Variants in MARCHF8 observed in about 807,000 individuals in gnomAD.
MARCHF8 encodes E3 ubiquitin-protein ligase MARCHF8.
In MARCHF8, 40 loss-of-function variants were observed where a neutral mutation model predicts 51.6. The ratio of observed to expected loss-of-function variants is 0.77; its 90% CI spans 0.60 to 1.01. The LOEUF is 1.01. Ranked by LOEUF, MARCHF8 falls within the 50% of genes least tolerant of loss-of-function variation. The pLI, the probability that MARCHF8 is intolerant of heterozygous loss-of-function variation, is 0.00. For missense variants in MARCHF8, 685 were observed against 708.6 expected, an observed-to-expected ratio of 0.97 and a Z score of 0.38; for synonymous variants, 263 against 280.3, an observed-to-expected ratio of 0.94 and a Z score of 0.62.
At chr10:45,570,236 G>T (rs2044414283) in intron 1 of MARCHF8, among the ~76,000 whole-genome samples, 2 of 152,084 alleles carry the variant, frequency 1.3e-5, no homozygotes, top group Admixed American at 6.5e-5. Flanking sequence ...GACCATAGGT[G>T]ATTAACACAG....
At chr10:45,539,658 A>T (rs2044023355), upstream of MARCHF8, among the ~76,000 whole-genome samples, 1 of 152,244 alleles carries the variant, frequency 6.6e-6, no homozygotes, top group Admixed American at 6.5e-5. Flanking sequence ...ATCCCACAGA[A>T]ATACCAACTA....
chr10:45,588,780 C>T (rs1419991670), intron 1 of MARCHF8, among the ~76,000 whole-genome samples: 2 of 151,938 alleles, frequency 1.3e-5, no homozygotes, highest in Non-Finnish European at 2.9e-5. Context: ...GGGTGGATCA[C>T]GAGGTCAAGA....
intron 1 of MARCHF8, among the ~76,000 whole-genome samples, chr10:45,572,761 T>G (rs1301144724): frequency 1.3e-5 from 2 of 152,144 alleles, no homozygotes; most frequent in Non-Finnish European, 2.9e-5. Flanking sequence ...CTGACCCATC[T>G]GACCTCTCCC....
rs770952449 is a variant in MARCHF8 at position 45,458,545 on chromosome 10, T to C, written c.1418-2A>G. ...TCCAAAAGGGCCATTCTAGGATTCC[T>C]GGAAGGGAAAAACTCAGCCTATTAG... On this transcript the variant is annotated splice_acceptor_variant, in intron 7 of 7. Transcript: ENST00000453424. LOFTEE classifies it high-confidence loss of function. The C allele has an allele frequency of 1.3e-6, 2 of 1,573,482 alleles. No homozygotes were observed.
At chr10:45,517,907 A>C (rs775478576) in intron 2 of MARCHF8, among the ~76,000 whole-genome samples, 26 of 152,244 alleles carry the variant, frequency 1.7e-4, no homozygotes, top group Non-Finnish European at 2.8e-4. Flanking sequence ...ATGTCAAACA[A>C]GCATAAGAGA....
At chr10:45,512,312 C>T (rs1471708225) in intron 2 of MARCHF8, among the ~76,000 whole-genome samples, 3 of 150,698 alleles carry the variant, frequency 2.0e-5, no homozygotes, top group South Asian at 2.1e-4. Context: ...AAGTGAGGAG[C>T]GTCTCCGCCC....
chr10:45,546,454 C>T (rs1013442316), intron 1 of MARCHF8, among the ~76,000 whole-genome samples: 2 of 152,046 alleles, frequency 1.3e-5, no homozygotes, highest in Admixed American at 6.6e-5. Flanking sequence ...TGAGCCACAG[C>T]GCCCGGTCAT....
In MARCHF8 at chr10:45,499,538, A is replaced by G. The variant is rs1433700582; in HGVS notation, c.103-10121T>C. Among the ~76,000 whole-genome samples, 4 of 152,110 alleles carry G rather than the reference A, an allele frequency of 2.6e-5. No individual in the cohort carries two copies. In the South Asian group the frequency reaches 6.2e-4, roughly 24 times the overall value. On this transcript the variant is annotated intron_variant, in intron 2 of 7. Coordinates refer to ENST00000453424, the MANE Select transcript of MARCHF8 (RefSeq NM_001282866.2). ...CCAAAGTCAAGAAGCTTCTTTCCCT[A>G]GGTTTTCTTTTAAGAATTTTATAGT... is the stretch of plus-strand genomic sequence containing the variant.
intron 1 of MARCHF8, among the ~76,000 whole-genome samples, chr10:45,542,789 T>C (rs898919738): frequency 1.3e-5 from 2 of 152,240 alleles, no homozygotes; most frequent in Non-Finnish European, 2.9e-5. Flanking sequence ...GGTATGAGAC[T>C]CATGTGACCT....
chr10:45,566,225 C>A (rs948220113), intron 1 of MARCHF8, among the ~76,000 whole-genome samples: 9 of 152,164 alleles, frequency 5.9e-5, no homozygotes, highest in African/African-American at 9.7e-5. Flanking sequence ...GAAGTAAGTA[C>A]ATCATGAAGA....
Position 45,473,346 on chromosome 10 carries a change from C to T in MARCHF8, c.154-9019G>A, listed in dbSNP as rs1254396707. Among the ~76,000 whole-genome samples the T allele has an allele frequency of 2.6e-5, 4 of 152,360 alleles. No individual in the cohort carries two copies. The East Asian group carries it at 7.7e-4, about 29-fold the overall frequency. On this transcript the variant is annotated intron_variant, in intron 3 of 7. Transcript: ENST00000453424. ...AACAAGAGGTACATATCACAGTCTGCAAGGCCCCAGCCTTGGGCAACTGCC... is the reference window on the plus strand; with the variant it reads ...AACAAGAGGTACATATCACAGTCTGTAAGGCCCCAGCCTTGGGCAACTGCC...
At position 45,489,371 on chromosome 10, in the gene MARCHF8, GA is replaced by G; in HGVS notation, c.148del (p.Ser50LeufsTer61). ...CATTTTTCAGTGGCACTCTACCTTA[GA>G]AATGTTGCTTGAATGACTCATGAAA... is the stretch of plus-strand genomic sequence containing the variant. ...GHFMSHSSNI[S>X]KAGSPPSASA... is the part of the protein sequence containing the mutation. On this transcript the variant is annotated frameshift_variant, in exon 3 of 8. Transcript: ENST00000453424. LOFTEE classifies it high-confidence loss of function. The G allele has an allele frequency of 1.2e-6, 2 of 1,612,192 alleles. No homozygotes were observed. Among genetic ancestry groups the G allele is most frequent in the Non-Finnish European group, 8.5e-7 (1 of 1,179,048 alleles).
intron 3 of MARCHF8, among the ~76,000 whole-genome samples, chr10:45,483,170 C>T (rs2042918775): frequency 6.6e-6 from 1 of 152,184 alleles, no homozygotes; most frequent in Non-Finnish European, 1.5e-5. Flanking sequence ...AGCTTCTGCA[C>T]AGCATAGGAA....
At chr10:45,518,203 G>C (rs1377840728) in intron 2 of MARCHF8, among the ~76,000 whole-genome samples, 1 of 152,126 alleles carries the variant, frequency 6.6e-6, no homozygotes, top group African/African-American at 2.4e-5. Context: ...ATCAATGAAG[G>C]CAAGGTGATG....
At chr10:45,563,335 T>C (rs982657297) in intron 1 of MARCHF8, among the ~76,000 whole-genome samples, 5 of 152,170 alleles carry the variant, frequency 3.3e-5, no homozygotes, top group Non-Finnish European at 5.9e-5. Context: ...CCCCGATTTT[T>C]CTTAAAGACA....
chr10:45,534,323 G>T (rs148920340), intron 1 of MARCHF8, among the ~76,000 whole-genome samples: 2 of 152,168 alleles, frequency 1.3e-5, no homozygotes, highest in East Asian at 3.9e-4. Flanking sequence ...CTGCCGTAAA[G>T]GGTTTCCTAG....
At chr10:45,582,370 C>A (rs1257039399) in intron 1 of MARCHF8, among the ~76,000 whole-genome samples, 1 of 152,194 alleles carries the variant, frequency 6.6e-6, no homozygotes, top group Non-Finnish European at 1.5e-5. Context: ...TACAGCAGCC[C>A]TTCAAGTTTC....
rs2043041881 is a variant in MARCHF8, at chr10:45,489,366, C to T, written c.153+1G>A. The T allele has an allele frequency of 3.1e-6, 5 of 1,611,450 alleles. No homozygotes were observed. The highest frequency in any genetic ancestry group is 1.1e-5 in the South Asian group (1 of 90,836). ...AATAACATTTTTCAGTGGCACTCTA[C>T]CTTAGAAATGTTGCTTGAATGACTC... On this transcript the variant is annotated splice_donor_variant, in intron 3 of 7. Transcript: ENST00000453424. LOFTEE classifies it high-confidence loss of function.
rs1842553141 is a variant in MARCHF8 at position 45,454,723 on chromosome 10, G to C, written c.*3516C>G. ...AAAAGAATACAAAACTAGACATTTA[G>C]ATCACTAGAAACTTTCTAAGGTAAG... On this transcript the variant is annotated 3_prime_UTR_variant, in exon 8 of 8. Coordinates refer to ENST00000453424, the MANE Select transcript of MARCHF8 (RefSeq NM_001282866.2). 6.6e-6 allele frequency: 1 copy of C among 152,194 alleles called. No individual in the cohort carries two copies. The highest frequency in any genetic ancestry group is 2.1e-4 in the South Asian group (1 of 4,828). 9.4% of individuals were successfully genotyped at this position (152,194 alleles called of 1,614,324 possible).
Sources: allele counts gnomAD v4.1 joint callset (sites outside exome capture counted in the v4.1 genomes callset), GRCh38; gene constraint gnomAD v4.1.1; transcripts MANE v1.5; gene names NCBI Gene and HGNC (gene_info 2026-07-23, HGNC 2026-07-21).